Variants in MAP4 observed in about 807,000 individuals in gnomAD.
MAP4 encodes microtubule-associated protein 4.
Under a neutral mutation model 170.2 loss-of-function variants are expected in MAP4, and 76 were observed. The observed-to-expected ratio is 0.45, with a 90% CI of 0.37 to 0.54. The LOEUF is 0.54. MAP4 is among the 20% of genes least tolerant of loss of function. MAP4 has a pLI of 0.00. For synonymous variants in MAP4, 909 were observed against 994.5 expected (o/e 0.91, Z 1.62); for missense variants, 2,506 against 2,748.0 (o/e 0.91, Z 1.97).
chr3:47,887,921 T>C (rs2097884742), intron 10 of MAP4, among the ~76,000 whole-genome samples: 1 of 151,882 alleles, frequency 6.6e-6, no homozygotes, highest in African/African-American at 2.4e-5. Context: ...TCAAGGTTTG[T>C]GAATGCACCA....
intron 4 of MAP4, among the ~76,000 whole-genome samples, chr3:47,927,500 A>G (rs924734159): frequency 7.2e-5 from 11 of 151,802 alleles, no homozygotes; most frequent in Non-Finnish European, 1.2e-4. Context: ...TTTGAGATGG[A>G]GTTTCGCTCT....
intron 2 of MAP4, 29 bp from the exon 3 acceptor site, chr3:47,977,962 G>A: frequency 1.4e-6 from 2 of 1,479,324 alleles, no homozygotes; most frequent in South Asian, 1.1e-5. Flanking sequence ...ATTACCCATT[G>A]TGACAGACAG....
chr3:47,984,282 G>A (rs760888051), intron 2 of MAP4, among the ~76,000 whole-genome samples: 4 of 152,090 alleles, frequency 2.6e-5, no homozygotes, highest in Non-Finnish European at 5.9e-5. Flanking sequence ...ACAAGTGTGA[G>A]TCACCATGCC....
chr3:47,944,423 C>G (rs1267856893), intron 3 of MAP4, among the ~76,000 whole-genome samples: 1 of 152,010 alleles, frequency 6.6e-6, no homozygotes, highest in African/African-American at 2.4e-5. Context: ...TAGTATTTTA[C>G]TTTATAGAAA....
intron 1 of MAP4, among the ~76,000 whole-genome samples, chr3:48,002,954 A>AAAATAAATAAATAAATAAATAAAT (rs55814118): frequency 2.1e-5 from 3 of 144,686 alleles, no homozygotes; most frequent in East Asian, 2.0e-4. Flanking sequence ...ATTAAGGCCA[A>AAAATAAATAAATAAATAAATAAAT]AAATAAATAA....
chr3:47,863,978 C>A (rs1473647673), intron 17 of MAP4, among the ~76,000 whole-genome samples: 1 of 146,810 alleles, frequency 6.8e-6, no homozygotes, highest in Non-Finnish European at 1.5e-5. Flanking sequence ...GTCTGCACAG[C>A]AGGTCCTCCT....
At chr3:48,032,246 A>G (rs1342932401) in intron 1 of MAP4, among the ~76,000 whole-genome samples, 1 of 152,146 alleles carries the variant, frequency 6.6e-6, no homozygotes, top group East Asian at 1.9e-4. Context: ...TAAATAAACT[A>G]TGAACTTTAG....
intron 1 of MAP4, among the ~76,000 whole-genome samples, chr3:48,030,798 CAAAAAAAAAAAA>C (rs71625847): frequency 6.2e-4 from 18 of 29,108 alleles, no homozygotes; most frequent in East Asian, 3.5e-3. Flanking sequence ...GACTCCATCT[CAAAAAAAAAAAA>C]AAAAAAAAAA....
chr3:48,038,157 G>A (rs1269105237), intron 1 of MAP4, among the ~76,000 whole-genome samples: 1 of 127,502 alleles, frequency 7.8e-6, no homozygotes, highest in Non-Finnish European at 1.6e-5. Flanking sequence ...ATCAGAGCAA[G>A]ACTCCATCTC....
chr3:47,963,368 TTC>T (rs938624105), intron 3 of MAP4, among the ~76,000 whole-genome samples: 2 of 152,218 alleles, frequency 1.3e-5, no homozygotes, highest in Non-Finnish European at 2.9e-5. Context: ...TGAAAATAAT[TTC>T]TGTCACTTCA....
chr3:47,993,785 T>C (rs142377372), intron 2 of MAP4, among the ~76,000 whole-genome samples: 265 of 152,296 alleles, frequency 1.7e-3, no homozygotes, highest in African/African-American at 6.0e-3. Flanking sequence ...CAAGAGTTTT[T>C]TAGGATGCTC....
intron 3 of MAP4, among the ~76,000 whole-genome samples, chr3:47,930,819 C>G (rs2100049348): frequency 6.6e-6 from 1 of 151,534 alleles, no homozygotes; most frequent in African/African-American, 2.4e-5. Flanking sequence ...GTCCCAGCTA[C>G]TCAGGAGGCT....
chr3:47,980,480 T>A, intron 2 of MAP4, among the ~76,000 whole-genome samples: 1 of 152,174 alleles, frequency 6.6e-6, no homozygotes, highest in Non-Finnish European at 1.5e-5. Context: ...TTAGTCCTCA[T>A]AAATACAAGG....
chr3:48,027,752 C>T (rs11130154), intron 1 of MAP4, among the ~76,000 whole-genome samples: 91,740 of 151,880 alleles, frequency 0.6, 28,987 homozygotes, highest in East Asian at 0.72. Flanking sequence ...ATGGGAGGAT[C>T]GTTTGAGCCC....
intron 3 of MAP4, among the ~76,000 whole-genome samples, chr3:47,966,548 A>T (rs1056049671): frequency 2.0e-5 from 3 of 150,134 alleles, no homozygotes; most frequent in South Asian, 4.2e-4. Context: ...CACCTGGCCA[A>T]TTTTTTTTTC....
intron 9 of MAP4, among the ~76,000 whole-genome samples, chr3:47,907,753 A>G (rs1045510180): frequency 1.1e-4 from 16 of 152,252 alleles, no homozygotes; most frequent in Non-Finnish European, 2.2e-4. Context: ...AACCAAAACG[A>G]AAGAACTGGA....
chr3:47,931,971 T>A (rs2100050108), intron 3 of MAP4: 1 of 152,204 alleles, frequency 6.6e-6, no homozygotes, highest in Non-Finnish European at 1.5e-5. Context: ...ATTCACTCTT[T>A]TAAAGTCGAG....
rs142861288 is a variant in MAP4 at position 48,008,612 on chromosome 3, C to A, written c.-20+7722G>T. On this transcript the variant is annotated intron_variant, in intron 1 of 20. Transcript: ENST00000683076. ...TTGGGGAAGAGGTATGTGGATGGAC[C>A]TCTCTGAGTGGTCAAAGACAAGATA... 1.1e-3 allele frequency among the ~76,000 whole-genome samples: 167 copies of A among 152,310 alleles called. No individual in the cohort carries two copies. The East Asian group carries it at 0.024, about 22-fold the overall frequency.
chr3:47,900,388 G>A (rs1577291458), intron 10 of MAP4, among the ~76,000 whole-genome samples: 2 of 152,166 alleles, frequency 1.3e-5, no homozygotes, highest in South Asian at 2.1e-4. Context: ...GAATGAATAA[G>A]CTGAGGCGAA....
Sources: gnomAD v4.1 joint callset for allele counts (sites outside exome capture counted in the v4.1 genomes callset) on GRCh38, gnomAD v4.1.1 for gene constraint, MANE v1.5 for transcripts, NCBI Gene and HGNC (gene_info 2026-07-23, HGNC 2026-07-21) for gene names.